ENOX1: variants seen among roughly 807,000 people sequenced by gnomAD.
ENOX1 encodes the protein ecto-NOX disulfide-thiol exchanger 1.
A neutral mutation model predicts 82.5 loss-of-function variants in ENOX1; 42 were observed. The observed-to-expected ratio is 0.51, with a 90% CI of 0.40 to 0.66. The LOEUF (loss-of-function observed/expected upper bound fraction) is 0.66, where lower values mean the gene tolerates loss of function less well. ENOX1 is among the 30% of genes least tolerant of loss of function. The probability of loss-of-function intolerance (pLI) is 0.00; values close to 1 mark genes in which losing one functional copy is unlikely to be tolerated. For missense variants in ENOX1, 608 were observed against 811.6 expected (o/e 0.75, Z 3.05); for synonymous variants, 271 against 282.2 (o/e 0.96, Z 0.40).
chr13:43,464,097 G>C (rs2153639865), intron 3 of ENOX1, among the ~76,000 whole-genome samples: 1 of 152,254 alleles, frequency 6.6e-6, no homozygotes, highest in Middle Eastern at 3.4e-3. Flanking sequence ...AGTCTTTCAA[G>C]AGAAGGCTCA....
intron 3 of ENOX1, among the ~76,000 whole-genome samples, chr13:43,439,041 C>CT (rs61212622): frequency 0.017 from 1,995 of 120,112 alleles, 56 homozygotes; most frequent in African/African-American, 0.042. Context: ...GTCTTTTAAT[C>CT]TTTTTTTTTT....
intron 3 of ENOX1, among the ~76,000 whole-genome samples, chr13:43,417,228 CG>C (rs1198587152): frequency 1.2e-4 from 3 of 24,850 alleles, no homozygotes; most frequent in Admixed American, 4.9e-4. Flanking sequence ...AGACGGGAGA[CG>C]GGAGACGGGA....
chr13:43,463,677 C>G (rs925677492), intron 3 of ENOX1, among the ~76,000 whole-genome samples: 1 of 152,162 alleles, frequency 6.6e-6, no homozygotes, highest in African/African-American at 2.4e-5. Context: ...TACCCAACCC[C>G]TCTCAATATG....
intron 2 of ENOX1, among the ~76,000 whole-genome samples, chr13:43,609,098 G>A (rs2082090541): frequency 6.6e-6 from 1 of 152,116 alleles, no homozygotes; most frequent in South Asian, 2.1e-4. Context: ...CCCTTTCCTT[G>A]TATTTTATAG....
At chr13:43,456,724 C>T (rs1237990384) in intron 3 of ENOX1, among the ~76,000 whole-genome samples, 1 of 152,138 alleles carries the variant, frequency 6.6e-6, no homozygotes, top group African/African-American at 2.4e-5. Flanking sequence ...TAAGACTATC[C>T]CTGATACCTC....
chr13:43,320,509 C>T (rs933517951), intron 11 of ENOX1, among the ~76,000 whole-genome samples: 5 of 152,152 alleles, frequency 3.3e-5, no homozygotes, highest in African/African-American at 9.7e-5. Context: ...AGAGGCCGGG[C>T]CCCGATCCTA....
chr13:43,245,748 A>G (rs2043050672), intron 14 of ENOX1, among the ~76,000 whole-genome samples: 1 of 152,228 alleles, frequency 6.6e-6, no homozygotes, highest in Non-Finnish European at 1.5e-5. Context: ...AATAGTTTTC[A>G]GCATCAGAGA....
intron 9 of ENOX1, among the ~76,000 whole-genome samples, chr13:43,330,375 T>G (rs1455165093): frequency 2.6e-5 from 4 of 152,216 alleles, no homozygotes; most frequent in Non-Finnish European, 4.4e-5. Context: ...CCCCACACAA[T>G]CCTGTATCAG....
At chr13:43,763,736 T>C (rs1951117928) in intron 1 of ENOX1, among the ~76,000 whole-genome samples, 1 of 152,204 alleles carries the variant, frequency 6.6e-6, no homozygotes, top group South Asian at 2.1e-4. Flanking sequence ...CTATTATCTT[T>C]CCATAGCAGT....
At chr13:43,407,456 C>A (rs1188530938) in intron 5 of ENOX1, among the ~76,000 whole-genome samples, 1 of 152,118 alleles carries the variant, frequency 6.6e-6, no homozygotes, top group Non-Finnish European at 1.5e-5. Context: ...ACTTTAAGTT[C>A]TGGGATACAG....
At chr13:43,361,159 C>A (rs74769809) in intron 6 of ENOX1, 120 bp downstream of exon 6, 3 of 1,020,216 alleles carry the variant, frequency 2.9e-6, no homozygotes, top group South Asian at 1.6e-5. Context: ...TTCTGTAGAA[C>A]GGATCCCCAC....
intron 11 of ENOX1, among the ~76,000 whole-genome samples, chr13:43,307,756 G>A (rs2046949055): frequency 6.6e-6 from 1 of 152,206 alleles, no homozygotes. Context: ...TACAGGCAGT[G>A]TCTCCAAAAC....
At chr13:43,710,182 G>A (rs2087595383) in intron 1 of ENOX1, among the ~76,000 whole-genome samples, 1 of 152,058 alleles carries the variant, frequency 6.6e-6, no homozygotes, top group African/African-American at 2.4e-5. Context: ...AAAGACAGTG[G>A]CAGGGCAAGG....
chr13:43,415,378 G>A (rs145665504), intron 3 of ENOX1, among the ~76,000 whole-genome samples: 5,530 of 151,644 alleles, frequency 0.036, 140 homozygotes, highest in South Asian at 0.091. Context: ...GGTTTTCCTA[G>A]GCAGAGGTCC....
At chr13:43,576,761 A>G (rs1000638180) in intron 2 of ENOX1, among the ~76,000 whole-genome samples, 2 of 152,220 alleles carry the variant, frequency 1.3e-5, no homozygotes, top group Non-Finnish European at 2.9e-5. Context: ...ATTAAATTAC[A>G]TATATAGATC....
chr13:43,614,004 T>C (rs1165511245), intron 2 of ENOX1, among the ~76,000 whole-genome samples: 1 of 151,910 alleles, frequency 6.6e-6, no homozygotes, highest in Non-Finnish European at 1.5e-5. Context: ...TAATGAAAAA[T>C]AAAAGTGTCA....
At chr13:43,442,846 GAAAT>G (rs974486059) in intron 3 of ENOX1, among the ~76,000 whole-genome samples, 8 of 152,074 alleles carry the variant, frequency 5.3e-5, no homozygotes, top group African/African-American at 1.9e-4. Context: ...AATGGGATGA[GAAAT>G]AATACATAAT....
At chr13:43,395,640 C>A (rs890736045) in intron 5 of ENOX1, among the ~76,000 whole-genome samples, 2 of 152,174 alleles carry the variant, frequency 1.3e-5, no homozygotes, top group African/African-American at 2.4e-5. Context: ...TAGTGGACAA[C>A]ATATCACAAT....
intron 5 of ENOX1, among the ~76,000 whole-genome samples, chr13:43,362,399 G>T (rs2050582734): frequency 6.6e-6 from 1 of 152,082 alleles, no homozygotes; most frequent in African/African-American, 2.4e-5. Flanking sequence ...TCTCATGGGT[G>T]GCGTGAAAAT....
Sources: allele counts gnomAD v4.1 joint callset (sites outside exome capture counted in the v4.1 genomes callset), GRCh38; gene constraint gnomAD v4.1.1; transcripts MANE v1.5; gene names NCBI Gene and HGNC (gene_info 2026-07-23, HGNC 2026-07-21).